SUMF1: variants seen among roughly 807,000 people sequenced by gnomAD.
The protein encoded by SUMF1 is formylglycine-generating enzyme.
SUMF1 carries 48 observed loss-of-function variants against 47.6 expected under a neutral mutation model. That is an observed-to-expected ratio of 1.01 (90% confidence interval 0.80 to 1.28). The LOEUF (loss-of-function observed/expected upper bound fraction) is 1.28. SUMF1 is among the 50% of genes most tolerant of loss of function. The pLI is 0.00. For synonymous variants in SUMF1, 230 were observed against 192.1 expected (o/e 1.20, Z -1.63); for missense variants, 571 against 485.4 (o/e 1.18, Z -1.66).
intron 8 of SUMF1, among the ~76,000 whole-genome samples, chr3:4,147,147 T>G (rs1694214727): frequency 6.6e-6 from 1 of 152,076 alleles, no homozygotes. Context: ...ATGGCGATCA[T>G]TAAAAAGTCA....
intron 7 of SUMF1, among the ~76,000 whole-genome samples, chr3:4,377,794 G>C (rs1169169277): frequency 6.6e-6 from 1 of 152,108 alleles, no homozygotes; most frequent in African/African-American, 2.4e-5. Context: ...GAGTCTATGG[G>C]GAAAGGGATT....
At chr3:4,119,710 A>G (rs1357373986) in intron 8 of SUMF1, among the ~76,000 whole-genome samples, 1 of 148,204 alleles carries the variant, frequency 6.7e-6, no homozygotes, top group Non-Finnish European at 1.5e-5. Flanking sequence ...ACACACATAC[A>G]CAAACACACA....
At chr3:4,114,507 T>C (rs962056942) in intron 8 of SUMF1, among the ~76,000 whole-genome samples, 1 of 152,334 alleles carries the variant, frequency 6.6e-6, no homozygotes, top group South Asian at 2.1e-4. Flanking sequence ...TTGACTAAGT[T>C]ACTATCACTA....
At chr3:4,111,073 T>A (rs982206251) in intron 8 of SUMF1, among the ~76,000 whole-genome samples, 4 of 151,896 alleles carry the variant, frequency 2.6e-5, no homozygotes, top group Non-Finnish European at 4.4e-5. Context: ...AGTCAGCATT[T>A]TTTTTAATGA....
intron 8 of SUMF1, among the ~76,000 whole-genome samples, chr3:4,079,031 T>C (rs1179488707): frequency 6.6e-6 from 1 of 152,114 alleles, no homozygotes; most frequent in Admixed American, 6.6e-5. Context: ...TTTTTCCTCC[T>C]CCTATGTGAC....
chr3:4,392,091 G>T (rs542549778), intron 7 of SUMF1, among the ~76,000 whole-genome samples: 6 of 152,176 alleles, frequency 3.9e-5, no homozygotes, highest in Admixed American at 1.3e-4. Context: ...GCCTCCCAAA[G>T]TGCTAGGATT....
At chr3:4,336,025 T>C (rs308736) in intron 8 of SUMF1, among the ~76,000 whole-genome samples, 114,179 of 147,542 alleles carry the variant, frequency 0.77, 44,784 homozygotes, top group African/African-American at 0.9. Flanking sequence ...AGGAGAGTTG[T>C]TGCTGGCCAA....
At chr3:4,348,372 C>G (rs917663822) in intron 8 of SUMF1, among the ~76,000 whole-genome samples, 9 of 152,100 alleles carry the variant, frequency 5.9e-5, no homozygotes, top group African/African-American at 2.2e-4. Context: ...GAAGCAATAC[C>G]ACACATCTAC....
At chr3:4,304,012 C>G (rs1437660641) in intron 8 of SUMF1, 1 of 361,860 alleles carries the variant, frequency 2.8e-6, no homozygotes, top group African/African-American at 2.2e-5. Flanking sequence ...GCCTTAGAGT[C>G]TTCCAGCGTA....
At chr3:4,243,573 T>C (rs1696593628) in intron 8 of SUMF1, among the ~76,000 whole-genome samples, 2 of 152,216 alleles carry the variant, frequency 1.3e-5, no homozygotes, top group African/African-American at 4.8e-5. Flanking sequence ...TGCATGGTTT[T>C]GAGTAAAGTT....
At chr3:4,345,952 G>T (rs1246280879) in intron 8 of SUMF1, among the ~76,000 whole-genome samples, 1 of 152,004 alleles carries the variant, frequency 6.6e-6, no homozygotes, top group Non-Finnish European at 1.5e-5. Flanking sequence ...GAATGGTAAA[G>T]GGATCAATGC....
chr3:4,422,441 C>G (rs1701929794), intron 3 of SUMF1, among the ~76,000 whole-genome samples: 1 of 151,628 alleles, frequency 6.6e-6, no homozygotes, highest in South Asian at 2.1e-4. Flanking sequence ...CCATGAATGA[C>G]TTTTCTTCTC....
Position 4,151,766 on chromosome 3 carries a change from G to C in SUMF1, c.1015-83021C>G, listed in dbSNP as rs989329919. ...AAGAAAGTTTATGAATCTGTGTTGG[G>C]CCACATTCAAAGCCAACCTGGGCTA... On this transcript the variant is annotated intron_variant and NMD_transcript_variant, in intron 8 of 12. Coordinates refer to the SUMF1 transcript ENST00000448413. 1.3e-4 allele frequency among the ~76,000 whole-genome samples: 19 copies of C among 151,186 alleles called. 1 individual carries two copies. Among genetic ancestry groups the C allele is most frequent in the African/African-American group, 4.7e-4 (19 of 40,680 alleles).
chr3:4,057,440 G>C lies in SUMF1; in HGVS notation c.1191+11129C>G, dbSNP rs559707607. On this transcript the variant is annotated intron_variant and NMD_transcript_variant, in intron 9 of 12. Coordinates refer to the SUMF1 transcript ENST00000448413. The stretch of plus-strand genomic sequence containing the variant: ...AATCTAAGAAAAAGGAAGGACATGG[G>C]TAAATCGAAAACCAAACTCATAGAC... Among the ~76,000 whole-genome samples, 109 of 152,174 alleles carry C rather than the reference G, an allele frequency of 7.2e-4. 1 individual carries two copies. Among genetic ancestry groups the C allele is most frequent in the African/African-American group, 2.4e-3 (101 of 41,514 alleles).
chr3:4,448,647 TC>T lies in SUMF1; in HGVS notation c.519+618del, dbSNP rs1430365777. ...AATGTCTGGAACAAGAATCCCAAGT[TC>T]CACTCATCACAAAGCTGCTTGTGAA... is the stretch of plus-strand genomic sequence containing the variant. On this transcript the variant is annotated intron_variant, in intron 3 of 8. Coordinates refer to ENST00000272902, the MANE Select transcript of SUMF1 (RefSeq NM_182760.4). Among the ~76,000 whole-genome samples the T allele has an allele frequency of 2.0e-5, 3 of 152,316 alleles. No individual in the cohort carries two copies. The East Asian group carries it at 5.8e-4, about 29-fold the overall frequency.
chr3:4,313,305 C>T (rs751849841), intron 8 of SUMF1: 151 of 1,613,798 alleles, frequency 9.4e-5, no homozygotes, highest in Non-Finnish European at 1.1e-4. Context: ...AAACAAAATC[C>T]GACTCCAATT....
intron 8 of SUMF1, among the ~76,000 whole-genome samples, chr3:4,144,427 G>C (rs1013191411): frequency 1.3e-5 from 2 of 152,070 alleles, no homozygotes; most frequent in Non-Finnish European, 2.9e-5. Context: ...TGGGAGCTTT[G>C]GACTCTGACA....
At chr3:4,090,650 T>G (rs1329655103) in intron 8 of SUMF1, among the ~76,000 whole-genome samples, 3 of 152,114 alleles carry the variant, frequency 2.0e-5, no homozygotes, top group Non-Finnish European at 4.4e-5. Flanking sequence ...CCATATTTGT[T>G]ATTGTTTGTT....
At chr3:4,284,441 A>AAGGAGGAGGAGGAGGAGGAGGAGG (rs72201582) in intron 8 of SUMF1, among the ~76,000 whole-genome samples, 6 of 91,638 alleles carry the variant, frequency 6.5e-5, no homozygotes, top group African/African-American at 1.3e-4. Context: ...TAAAAAATGA[A>AAGGAGGAGGAGGAGGAGGAGGAGG]AGGAGGAGGA....
Sources: allele counts gnomAD v4.1 joint callset (sites outside exome capture counted in the v4.1 genomes callset), GRCh38; gene constraint gnomAD v4.1.1; transcripts MANE v1.5; gene names NCBI Gene and HGNC (gene_info 2026-07-23, HGNC 2026-07-21).